SUGT1: variants seen among roughly 807,000 people sequenced by gnomAD.
SUGT1 encodes the protein SGT1 assembly cochaperone of MIS12 kinetochore complex.
SUGT1 carries 15 observed loss-of-function variants against 56.1 expected under a neutral mutation model. The observed-to-expected ratio is 0.27, with a 90% CI of 0.18 to 0.41. The LOEUF (loss-of-function observed/expected upper bound fraction) is 0.41. Among genes scored for constraint, SUGT1 ranks in the 10% least tolerant of loss-of-function variants. SUGT1 has a pLI of 1.00. For missense variants in SUGT1, 347 were observed against 382.2 expected (o/e 0.91, Z 0.77); for synonymous variants, 123 against 128.6 (o/e 0.96, Z 0.30).
intron 6 of SUGT1, 37 bp from the exon 7 acceptor site, chr13:52,663,059 T>C: frequency 6.2e-7 from 1 of 1,602,298 alleles, no homozygotes; most frequent in African/African-American, 1.3e-5. Context: ...AAAAATGCAC[T>C]GTTCCCTGAA....
At chr13:52,675,704 A>C (rs138356723) in intron 10 of SUGT1, among the ~76,000 whole-genome samples, 2 of 152,382 alleles carry the variant, frequency 1.3e-5, no homozygotes, top group South Asian at 2.1e-4. Context: ...TTATACAGTG[A>C]AATAAGTTTC....
intron 5 of SUGT1, chr13:52,661,597 T>G (rs115244173): frequency 5.3e-5 from 22 of 415,928 alleles, no homozygotes; most frequent in African/African-American, 3.0e-4. Context: ...CCGGCCAAAA[T>G]CTGGGAAAAA....
intron 12 of SUGT1, among the ~76,000 whole-genome samples, chr13:52,686,292 G>A (rs1963587263): frequency 6.6e-6 from 1 of 152,162 alleles, no homozygotes; most frequent in African/African-American, 2.4e-5. Flanking sequence ...AGCCCACTGT[G>A]TGCTAGGCCA....
Position 52,691,456 on chromosome 13 carries a change from T to C in SUGT1, c.*3621T>C, listed in dbSNP as rs1356257704. ...TACATATCAGATTAGATTATTGATATCTGAGATATATCACTGACCCAGAGC... is the reference window on the plus strand; with the variant it reads ...TACATATCAGATTAGATTATTGATACCTGAGATATATCACTGACCCAGAGC... On this transcript the variant is annotated 3_prime_UTR_variant, in exon 13 of 13. Transcript: ENST00000310528. 6.6e-6 allele frequency: 1 copy of C among 152,234 alleles called. No individual in the cohort carries two copies. Among genetic ancestry groups the C allele is most frequent in the Non-Finnish European group, 1.5e-5 (1 of 68,038 alleles). 9.4% of individuals were successfully genotyped at this position (152,234 alleles called of 1,614,324 possible).
rs1964028985 is a variant in SUGT1, at chr13:52,699,578, A to G, written c.*11743A>G. 6.6e-6 allele frequency: 1 copy of G among 152,188 alleles called. No individual in the cohort carries two copies. The highest frequency in any genetic ancestry group is 2.4e-5 in the African/African-American group (1 of 41,442). 9.4% of individuals were successfully genotyped at this position (152,188 alleles called of 1,614,324 possible). A position where few individuals can be genotyped will look rare whatever the true frequency, so the allele number is the denominator to read the frequency against. On this transcript the variant is annotated 3_prime_UTR_variant, in exon 13 of 13. Coordinates refer to ENST00000310528, the MANE Select transcript of SUGT1 (RefSeq NM_006704.5). ...CTTAATTTTTTGGAGTTACCTCAGT[A>G]ACTTAACAGGCAGGAATATGGTTTT... is the stretch of plus-strand genomic sequence containing the variant.
chr13:52,680,265 T>A (rs1481253233), intron 12 of SUGT1, 110 bp downstream of exon 12: 1 of 1,004,774 alleles, frequency 1.0e-6, no homozygotes, highest in African/African-American at 1.7e-5. Flanking sequence ...GGGAGAACTT[T>A]TTGAATAAGG....
intron 3 of SUGT1, chr13:52,657,969 C>A: frequency 1.6e-6 from 1 of 610,582 alleles, no homozygotes; most frequent in Non-Finnish European, 2.3e-6. Context: ...CGCCTGTAAT[C>A]CCAACACTTT....
Position 52,663,092 on chromosome 13 carries a change from A to C in SUGT1, c.383-4A>C. 6.2e-7 allele frequency: 1 copy of C among 1,606,454 alleles called. No individual in the cohort carries two copies. ...GAAAATGTTTCCTTTTTATGTTTTA[A>C]TAGGCTCAGAATCTGAGGTGGTAAG... On this transcript the variant is annotated splice_region_variant and splice_polypyrimidine_tract_variant and intron_variant, in intron 6 of 12. Transcript: ENST00000310528.
chr13:52,661,462 T>C (rs1962446374), intron 5 of SUGT1: 1 of 283,236 alleles, frequency 3.5e-6, no homozygotes, highest in East Asian at 1.5e-4. Flanking sequence ...CTGGCTAATT[T>C]TTGTATTTTT....
chr13:52,657,297 A>G (rs918866713), intron 2 of SUGT1, among the ~76,000 whole-genome samples: 2 of 152,236 alleles, frequency 1.3e-5, no homozygotes, highest in East Asian at 3.8e-4. Context: ...ACCAGGAACT[A>G]AAAGCTTTAC....
At chr13:52,680,441 T>C (rs1224119698) in intron 12 of SUGT1, among the ~76,000 whole-genome samples, 3 of 152,208 alleles carry the variant, frequency 2.0e-5, no homozygotes, top group African/African-American at 7.2e-5. Flanking sequence ...CTGAGTGAAC[T>C]TCTGTTGTTT....
intron 5 of SUGT1, among the ~76,000 whole-genome samples, chr13:52,661,997 A>G (rs570108199): frequency 6.6e-6 from 1 of 152,332 alleles, no homozygotes; most frequent in African/African-American, 2.4e-5. Flanking sequence ...AAATGTAATC[A>G]TTGTTCTGTG....
Position 52,699,957 on chromosome 13 carries a change from T to C in SUGT1, c.*12122T>C, listed in dbSNP as rs899883442. 2 of 152,168 alleles carry C rather than the reference T, an allele frequency of 1.3e-5. No homozygotes were observed. Among genetic ancestry groups the C allele is most frequent in the Non-Finnish European group, 2.9e-5 (2 of 68,020 alleles). 9.4% of individuals were successfully genotyped at this position (152,168 alleles called of 1,614,324 possible). ...AGCCATGTGCAGAGGAGAGAAAAGGTGTTGGATTTTCTGCAGTTCTGATTC... is the reference window on the plus strand; with the variant it reads ...AGCCATGTGCAGAGGAGAGAAAAGGCGTTGGATTTTCTGCAGTTCTGATTC... On this transcript the variant is annotated 3_prime_UTR_variant, in exon 13 of 13. Transcript: ENST00000310528.
chr13:52,686,385 G>A (rs1017414788), intron 12 of SUGT1, among the ~76,000 whole-genome samples: 48 of 152,324 alleles, frequency 3.2e-4, no homozygotes, highest in African/African-American at 1.1e-3. Context: ...GAAGTCAAGG[G>A]TGGAAAGCAG....
intron 5 of SUGT1, among the ~76,000 whole-genome samples, 178 bp downstream of exon 5, chr13:52,659,427 C>T (rs962741644): frequency 6.6e-6 from 1 of 151,892 alleles, no homozygotes; most frequent in African/African-American, 2.4e-5. Flanking sequence ...ATTAAATTAG[C>T]CTTTTGGCAT....
chr13:52,652,897 C>A lies in SUGT1; in HGVS notation c.-24C>A. The A allele has an allele frequency of 1.9e-6, 3 of 1,611,432 alleles. No homozygotes were observed. Among genetic ancestry groups the A allele is most frequent in the Non-Finnish European group, 2.5e-6 (3 of 1,178,614 alleles). On this transcript the variant is annotated 5_prime_UTR_variant, in exon 1 of 13. Coordinates refer to ENST00000310528, the MANE Select transcript of SUGT1 (RefSeq NM_006704.5). The stretch of plus-strand genomic sequence containing the variant: ...GTAACCGTGATAGTAGCAGCTCCGG[C>A]GGCAGCAACAGCGACTACGAGGGAT...
chr13:52,697,969 G>C lies in SUGT1; in HGVS notation c.*10134G>C, dbSNP rs752452625. ...TTATTCCTTAACACATTAAACTATAGGTAATAGCATATGTTAGTCTAATCT... is the reference window on the plus strand; with the variant it reads ...TTATTCCTTAACACATTAAACTATACGTAATAGCATATGTTAGTCTAATCT... On this transcript the variant is annotated 3_prime_UTR_variant, in exon 13 of 13. Transcript: ENST00000310528. 2 of 152,150 alleles carry C rather than the reference G, an allele frequency of 1.3e-5. No homozygotes were observed. Among genetic ancestry groups the C allele is most frequent in the Non-Finnish European group, 2.9e-5 (2 of 68,032 alleles). The allele number at this position is 152,150 out of a possible 1,614,324, so 9.4% of individuals were successfully genotyped here. A position where few individuals can be genotyped will look rare whatever the true frequency, so the allele number is the denominator to read the frequency against.
chr13:52,674,013 T>C (rs143959511), intron 10 of SUGT1, among the ~76,000 whole-genome samples: 2 of 151,714 alleles, frequency 1.3e-5, no homozygotes, highest in East Asian at 3.9e-4. Flanking sequence ...TTTTTATATA[T>C]GTAGAGTTTA....
chr13:52,652,876 C>G lies in SUGT1; in HGVS notation c.-45C>G, dbSNP rs369713040. ...CCTTGGGCGGTGGTGGAGGTGGTAA[C>G]CGTGATAGTAGCAGCTCCGGCGGCA... On this transcript the variant is annotated 5_prime_UTR_variant, in exon 1 of 13. Transcript: ENST00000310528. The G allele has an allele frequency of 5.0e-6, 8 of 1,602,296 alleles. No individual in the cohort carries two copies. The highest frequency in any genetic ancestry group is 6.8e-6 in the Non-Finnish European group (8 of 1,173,800).
Sources: gnomAD v4.1 joint callset for allele counts (sites outside exome capture counted in the v4.1 genomes callset) on GRCh38, gnomAD v4.1.1 for gene constraint, MANE v1.5 for transcripts, NCBI Gene and HGNC (gene_info 2026-07-23, HGNC 2026-07-21) for gene names.